The following STK32B variants were observed in gnomAD, a reference collection of about 807,000 sequenced individuals.
STK32B encodes the protein serine/threonine kinase 32B.
A neutral mutation model predicts 52.6 loss-of-function variants in STK32B; 43 were observed. The ratio of observed to expected loss-of-function variants is 0.82; its 90% CI spans 0.64 to 1.05. STK32B has a LOEUF of 1.05. Ranked by LOEUF, STK32B falls within the 50% of genes least tolerant of loss-of-function variation. STK32B has a pLI of 0.00. For synonymous variants in STK32B, 238 were observed against 204.3 expected, an observed-to-expected ratio of 1.17 and a Z score of -1.41; for missense variants, 621 against 534.6, an observed-to-expected ratio of 1.16 and a Z score of -1.59.
intron 6 of STK32B, among the ~76,000 whole-genome samples, chr4:5,444,110 G>T (rs1577509246): frequency 6.6e-6 from 1 of 152,198 alleles, no homozygotes; most frequent in African/African-American, 2.4e-5. Context: ...AGGCCTCCTT[G>T]AGCTGTGGTG....
At chr4:5,299,199 C>T (rs555043861) in intron 3 of STK32B, among the ~76,000 whole-genome samples, 102 of 152,080 alleles carry the variant, frequency 6.7e-4, no homozygotes, top group African/African-American at 2.1e-3. Flanking sequence ...CCACCTTTTG[C>T]GTTGGTCTCG....
rs1726016051 is a variant in STK32B, at chr4:5,252,567, G to T, written c.261-78653G>T. 2.0e-5 allele frequency among the ~76,000 whole-genome samples: 3 copies of T among 152,082 alleles called. No individual in the cohort carries two copies. In the South Asian group the frequency reaches 6.2e-4, roughly 32 times the overall value. On this transcript the variant is annotated intron_variant, in intron 3 of 11. Coordinates refer to ENST00000282908, the MANE Select transcript of STK32B (RefSeq NM_018401.3). ...GTCCTCCTCTTGTCCCTTGCAGTTT[G>T]GTCAATCTGTTTTTCAGCCTGTCCA...
In STK32B at chr4:5,357,632, C is replaced by G. The variant is rs538706753; in HGVS notation, c.434+26239C>G. Among the ~76,000 whole-genome samples the G allele has an allele frequency of 7.3e-5, 10 of 137,640 alleles. No individual in the cohort carries two copies. The East Asian group carries it at 2.1e-3, about 29-fold the overall frequency. The allele number at this position is 137,640 out of a possible 152,430, so 90.3% of individuals were successfully genotyped here. On this transcript the variant is annotated intron_variant, in intron 4 of 11. Transcript: ENST00000282908. Reference sequence around the variant, plus strand: ...CTAATGGCAGTAAAAACTGTTACAGCCCTTTTGGAATGACATCTGGCCATA... The same window carrying G: ...CTAATGGCAGTAAAAACTGTTACAGGCCTTTTGGAATGACATCTGGCCATA...
chr4:5,230,208 T>TG (rs1553853799), intron 3 of STK32B, among the ~76,000 whole-genome samples: 4,438 of 103,178 alleles, frequency 0.043, 117 homozygotes, highest in South Asian at 0.086. Context: ...TTTTTTTTTT[T>TG]TAGTGGAGTC....
intron 1 of STK32B, among the ~76,000 whole-genome samples, chr4:5,106,324 C>T (rs116455761): frequency 2.0e-5 from 3 of 152,156 alleles, no homozygotes; most frequent in African/African-American, 2.4e-5. Flanking sequence ...TCTTTTTAAT[C>T]GTAGAGGACA....
At chr4:5,350,533 A>G (rs948006022) in intron 4 of STK32B, among the ~76,000 whole-genome samples, 4 of 152,126 alleles carry the variant, frequency 2.6e-5, no homozygotes, top group African/African-American at 9.7e-5. Context: ...TGTTACCAGT[A>G]GAGAATACCA....
chr4:5,357,995 A>G (rs1734294686), intron 4 of STK32B, among the ~76,000 whole-genome samples: 1 of 152,194 alleles, frequency 6.6e-6, no homozygotes, highest in African/African-American at 2.4e-5. Context: ...GTCATTTAGG[A>G]TGAAAATTCC....
intron 3 of STK32B, among the ~76,000 whole-genome samples, chr4:5,176,608 T>A (rs562663865): frequency 1.3e-5 from 2 of 152,146 alleles, no homozygotes; most frequent in South Asian, 2.1e-4. Context: ...CACACGCAGT[T>A]AATTTTTGTG....
rs904653794 is a variant in STK32B, at chr4:5,395,290, C to G, written c.435-2917C>G. On this transcript the variant is annotated intron_variant, in intron 4 of 11. Coordinates refer to ENST00000282908, the MANE Select transcript of STK32B (RefSeq NM_018401.3). The surrounding 1 kb of genome is among the most constrained non-coding windows in gnomAD (Gnocchi z 4.4). ...CATAACTGAATTAAGGGGGTGACAC[C>G]CATCACCTTTGTCAGCTTCCATGGC... Among the ~76,000 whole-genome samples the G allele has an allele frequency of 2.6e-5, 4 of 152,174 alleles. No homozygotes were observed. The highest frequency in any genetic ancestry group is 9.7e-5 in the African/African-American group (4 of 41,444).
intron 3 of STK32B, among the ~76,000 whole-genome samples, chr4:5,317,308 TAA>T (rs1731109177): frequency 2.0e-5 from 1 of 49,370 alleles, no homozygotes; most frequent in Non-Finnish European, 3.0e-5. Flanking sequence ...ATATAATATA[TAA>T]CATATGTATA....
intron 1 of STK32B, among the ~76,000 whole-genome samples, chr4:5,121,358 C>T (rs989488355): frequency 6.6e-6 from 1 of 152,080 alleles, no homozygotes; most frequent in African/African-American, 2.4e-5. Context: ...CTTGCAATGG[C>T]AAATTGTAAG....
chr4:5,064,262 A>C (rs984641393), intron 1 of STK32B, among the ~76,000 whole-genome samples: 5 of 121,364 alleles, frequency 4.1e-5, no homozygotes, highest in Non-Finnish European at 9.4e-5. Context: ...ATATATAAAA[A>C]CATATATGAT....
At position 5,136,334 on chromosome 4, in the gene STK32B, C is replaced by T. The variant is rs780052325; in HGVS notation, c.53-3571C>T. ...ACACTCCTTTGCCTTTGCAGCAGTG[C>T]GTTTCCCATTTCTACCCTAGTGGTA... is the stretch of plus-strand genomic sequence containing the variant. On this transcript the variant is annotated intron_variant, in intron 1 of 11. Coordinates refer to ENST00000282908, the MANE Select transcript of STK32B (RefSeq NM_018401.3). 6.6e-5 allele frequency among the ~76,000 whole-genome samples: 10 copies of T among 152,332 alleles called. 1 individual carries two copies. The South Asian group carries it at 1.4e-3, about 22-fold the overall frequency.
At chr4:5,392,180 A>G (rs139646559) in intron 4 of STK32B, among the ~76,000 whole-genome samples, 16 of 152,352 alleles carry the variant, frequency 1.1e-4, no homozygotes, top group African/African-American at 3.6e-4. Flanking sequence ...CACGCCTGTA[A>G]TCCCAACACT....
At chr4:5,057,089 A>G (rs914863472) in intron 1 of STK32B, among the ~76,000 whole-genome samples, 4 of 152,246 alleles carry the variant, frequency 2.6e-5, no homozygotes, top group African/African-American at 9.6e-5. Flanking sequence ...AAAGCCTAGA[A>G]TAAGGCCAAT....
intron 4 of STK32B, among the ~76,000 whole-genome samples, chr4:5,362,659 G>A (rs1734623371): frequency 6.6e-6 from 1 of 152,146 alleles, no homozygotes; most frequent in Non-Finnish European, 1.5e-5. Context: ...CACCACGGAG[G>A]CAGGGGCTGT....
At chr4:5,442,275 A>C (rs866510006) in intron 6 of STK32B, among the ~76,000 whole-genome samples, 1 of 151,174 alleles carries the variant, frequency 6.6e-6, no homozygotes, top group East Asian at 2.0e-4. Context: ...TTGCTTCATG[A>C]ATCTTGGTGC....
At chr4:5,286,724 C>T (rs28494608) in intron 3 of STK32B, among the ~76,000 whole-genome samples, 23 of 150,776 alleles carry the variant, frequency 1.5e-4, no homozygotes, top group East Asian at 7.8e-4. Flanking sequence ...ACTGTTTTTG[C>T]ATTGTTGACC....
At chr4:5,376,367 A>G (rs1482595383) in intron 4 of STK32B, among the ~76,000 whole-genome samples, 3 of 152,058 alleles carry the variant, frequency 2.0e-5, no homozygotes. Context: ...AAAATACAAA[A>G]ATATCTACCT....
Sources: allele counts gnomAD v4.1 joint callset (sites outside exome capture counted in the v4.1 genomes callset), GRCh38; gene constraint gnomAD v4.1.1; non-coding constraint Gnocchi (gnomAD v3.1); transcripts MANE v1.5; gene names NCBI Gene and HGNC (gene_info 2026-07-23, HGNC 2026-07-21).